ELMO2: variants seen among roughly 807,000 people sequenced by gnomAD.
ELMO2 encodes engulfment and cell motility protein 2.
A neutral mutation model predicts 96.2 loss-of-function variants in ELMO2; 37 were observed. That is an observed-to-expected ratio of 0.38 (90% CI 0.30 to 0.51). ELMO2 has a LOEUF of 0.51. ELMO2 is among the 20% of genes least tolerant of loss of function. The pLI, the probability that ELMO2 is intolerant of heterozygous loss-of-function variation, is 0.88. For synonymous variants in ELMO2, 315 were observed against 329.4 expected, an observed-to-expected ratio of 0.96 and a Z score of 0.47; for missense variants, 561 against 912.6, an observed-to-expected ratio of 0.61 and a Z score of 4.96.
intron 1 of ELMO2, among the ~76,000 whole-genome samples, chr20:46,405,461 C>G (rs1396150245): frequency 1.3e-5 from 2 of 152,140 alleles, no homozygotes; most frequent in Admixed American, 1.3e-4. Context: ...ACTGAGCAAG[C>G]GGACGGACGA....
rs751423510 is a variant in ELMO2 at position 46,386,104 on chromosome 20, G to T, written c.677+20C>A. ...AGGACAGACAAGTGAAGGGAGGGAG[G>T]TGTAGGGTTTTTTACTCACACCTGG... On this transcript the variant is annotated intron_variant, in intron 9 of 21. Transcript: ENST00000290246. 1 of 1,608,526 alleles carries T rather than the reference G, an allele frequency of 6.2e-7. No individual in the cohort carries two copies. Among genetic ancestry groups the T allele is most frequent in the Non-Finnish European group, 8.5e-7 (1 of 1,176,052 alleles).
chr20:46,382,777 T>C (rs2145805696), intron 10 of ELMO2, among the ~76,000 whole-genome samples: 1 of 152,346 alleles, frequency 6.6e-6, no homozygotes, highest in East Asian at 1.9e-4. Context: ...CAGATGTTGT[T>C]GCTCCCATGT....
At chr20:46,373,208 C>A (rs1306217198) in intron 16 of ELMO2, 191 bp downstream of exon 16, 2 of 673,814 alleles carry the variant, frequency 3.0e-6, no homozygotes, top group Admixed American at 3.1e-5. Flanking sequence ...AAGTGGAAGA[C>A]AAGCTCAAGG....
chr20:46,385,490 G>A (rs1313516348), intron 9 of ELMO2, among the ~76,000 whole-genome samples: 2 of 152,332 alleles, frequency 1.3e-5, no homozygotes, highest in Admixed American at 1.3e-4. Flanking sequence ...AGTGTGAGAG[G>A]TGAAGGTGAT....
intron 4 of ELMO2, 54 bp downstream of exon 4, chr20:46,393,995 G>C: frequency 6.2e-7 from 1 of 1,612,192 alleles, no homozygotes; most frequent in Non-Finnish European, 8.5e-7. Flanking sequence ...AGGTGTAGGA[G>C]TGCTCTTTCA....
intron 1 of ELMO2, among the ~76,000 whole-genome samples, chr20:46,399,355 C>T (rs543613846): frequency 5.3e-5 from 8 of 152,184 alleles, no homozygotes; most frequent in African/African-American, 1.7e-4. Flanking sequence ...TCCTGGACTA[C>T]GGGCTATTTC....
Position 46,367,581 on chromosome 20 carries a change from A to C in ELMO2, c.1963-21T>G. 1.9e-6 allele frequency: 3 copies of C among 1,586,034 alleles called. No homozygotes were observed. The South Asian group carries it at 3.4e-5, about 18-fold the overall frequency. ...CAGTACTGTGGGGAGCAAGTTGCAA[A>C]ATGTCACATCGTGACCCCTGGTCAG... On this transcript the variant is annotated intron_variant, in intron 21 of 21. Coordinates refer to ENST00000290246, the MANE Select transcript of ELMO2 (RefSeq NM_133171.5).
At chr20:46,373,352 G>A (rs2059770756) in intron 16 of ELMO2, 47 bp downstream of exon 16, 1 of 1,608,864 alleles carries the variant, frequency 6.2e-7, no homozygotes, top group South Asian at 1.1e-5. Flanking sequence ...AGGCTGTCGT[G>A]TGATGGTCTC....
intron 2 of ELMO2, among the ~76,000 whole-genome samples, chr20:46,397,410 C>T (rs1381272597): frequency 6.6e-6 from 1 of 152,204 alleles, no homozygotes; most frequent in East Asian, 1.9e-4. Context: ...TGGCTCATGT[C>T]TATAATCGCA....
chr20:46,394,878 G>A (rs966245277), intron 2 of ELMO2, among the ~76,000 whole-genome samples: 15 of 152,170 alleles, frequency 9.9e-5, no homozygotes, highest in African/African-American at 3.6e-4. Flanking sequence ...CATATGCTCC[G>A]AGACAGATAA....
intron 6 of ELMO2, among the ~76,000 whole-genome samples, chr20:46,390,026 G>A (rs527710605): frequency 1.3e-4 from 20 of 151,380 alleles, no homozygotes; most frequent in East Asian, 1.2e-3. Context: ...GGTGGCATGC[G>A]CCTGTAATCC....
intron 19 of ELMO2, 92 bp from the exon 20 acceptor site, chr20:46,370,617 G>T: frequency 8.3e-7 from 1 of 1,204,476 alleles, no homozygotes; most frequent in Non-Finnish European, 1.2e-6. Flanking sequence ...TGGGGCAGAT[G>T]CATAGGAAGC....
chr20:46,372,114 T>A, intron 16 of ELMO2, 145 bp from the exon 17 acceptor site: 1 of 874,226 alleles, frequency 1.1e-6, no homozygotes, highest in Non-Finnish European at 1.7e-6. Flanking sequence ...AAGGTATACC[T>A]TCTTAGATGG....
At chr20:46,373,335 C>T in intron 16 of ELMO2, 64 bp downstream of exon 16, 1 of 1,590,502 alleles carries the variant, frequency 6.3e-7, no homozygotes, top group Non-Finnish European at 8.6e-7. Context: ...TGCCAGCCAG[C>T]TGTCAAAGGC....
chr20:46,404,265 A>C (rs1042269088), intron 1 of ELMO2, among the ~76,000 whole-genome samples: 3 of 152,210 alleles, frequency 2.0e-5, no homozygotes, highest in African/African-American at 7.2e-5. Context: ...CAACTGCATC[A>C]AATATGCTTC....
At chr20:46,385,373 A>G (rs891056398) in intron 9 of ELMO2, among the ~76,000 whole-genome samples, 8 of 152,208 alleles carry the variant, frequency 5.3e-5, no homozygotes, top group African/African-American at 1.9e-4. Context: ...AGGATGTGAT[A>G]AGAGTCTTAA....
intron 6 of ELMO2, chr20:46,390,764 G>A (rs1204323011): frequency 6.6e-6 from 1 of 152,182 alleles, no homozygotes; most frequent in East Asian, 1.9e-4. Flanking sequence ...GCAAGTGACT[G>A]GAGCCCAATT....
chr20:46,371,961 T>A lies in ELMO2; in HGVS notation c.1425A>T (p.Gln475His). ...CTCGAGTGATTTGCTCTCGGACGAC[T>A]TGCATAACCTAAGAGGAGAAGAACC... ...ATAEDFNKVM[Q>H]VVREQITRAL... The change falls in exon 17 of 22, where the codon CAA becomes CAT. Residue 475 changes from glutamine (Q) to histidine (H), a missense_variant. Transcript: ENST00000290246. This position sits in a 1 kb window ranked among gnomAD's most constrained non-coding sequence, Gnocchi z 5.9. 6.2e-7 allele frequency: 1 copy of A among 1,613,784 alleles called. No homozygotes were observed. Among genetic ancestry groups the A allele is most frequent in the Non-Finnish European group, 8.5e-7 (1 of 1,180,004 alleles).
At chr20:46,397,865 G>C (rs1254759980) in intron 2 of ELMO2, among the ~76,000 whole-genome samples, 1 of 152,120 alleles carries the variant, frequency 6.6e-6, no homozygotes, top group Admixed American at 6.5e-5. Flanking sequence ...TCTGCAGGAG[G>C]AATCCATAAA....
Sources: allele counts gnomAD v4.1 joint callset (sites outside exome capture counted in the v4.1 genomes callset), GRCh38; gene constraint gnomAD v4.1.1; non-coding constraint Gnocchi (gnomAD v3.1); transcripts MANE v1.5; gene names NCBI Gene and HGNC (gene_info 2026-07-23, HGNC 2026-07-21).